The following FAM3B variants were observed in gnomAD, a reference collection of about 807,000 sequenced individuals.
FAM3B encodes FAM3 metabolism regulating signaling molecule B.
A neutral mutation model predicts 28.4 loss-of-function variants in FAM3B; 29 were observed. That is an observed-to-expected ratio of 1.02 (90% CI 0.76 to 1.39). The LOEUF (loss-of-function observed/expected upper bound fraction) is 1.39, where lower values mean the gene tolerates loss of function less well. Ranked by LOEUF, FAM3B falls within the 40% of genes most tolerant of loss-of-function variation. The probability of loss-of-function intolerance (pLI) is 0.00; values close to 1 mark genes in which losing one functional copy is unlikely to be tolerated. For missense variants in FAM3B, 266 were observed against 293.9 expected, an observed-to-expected ratio of 0.91 and a Z score of 0.69; for synonymous variants, 91 against 103.0, an observed-to-expected ratio of 0.88 and a Z score of 0.71.
chr21:41,304,342 G>A (rs1328321875), intron 1 of FAM3B: 1 of 455,598 alleles, frequency 2.2e-6, no homozygotes, highest in Non-Finnish European at 4.4e-6. Flanking sequence ...GTGGGGAGGG[G>A]AAGGATGGAC....
chr21:41,354,713 A>G (rs2089150314), intron 7 of FAM3B, among the ~76,000 whole-genome samples: 1 of 152,226 alleles, frequency 6.6e-6, no homozygotes, highest in Non-Finnish European at 1.5e-5. Flanking sequence ...AAAGAGAATC[A>G]GGAAAAATAA....
chr21:41,357,000 G>T, intron 7 of FAM3B, 108 bp from the exon 8 acceptor site: 1 of 585,198 alleles, frequency 1.7e-6, no homozygotes, highest in Non-Finnish European at 2.8e-6. Context: ...GCTTTGGTTG[G>T]AGCAAATCCA....
chr21:41,309,175 G>A (rs1167123929), intron 1 of FAM3B, among the ~76,000 whole-genome samples: 1 of 152,224 alleles, frequency 6.6e-6, no homozygotes, highest in African/African-American at 2.4e-5. Flanking sequence ...AGCATCATCC[G>A]CCTTCAGGAC....
chr21:41,329,789 C>T (rs562102623), intron 2 of FAM3B, among the ~76,000 whole-genome samples: 4 of 152,196 alleles, frequency 2.6e-5, no homozygotes, highest in African/African-American at 9.6e-5. Context: ...AGGCTGGTCT[C>T]GAACTCCTGA....
Position 41,336,859 on chromosome 21 carries a change from G to A in FAM3B, c.164-1519G>A, listed in dbSNP as rs117802485. 1.9e-3 allele frequency among the ~76,000 whole-genome samples: 282 copies of A among 152,196 alleles called. 2 individuals are homozygous for A. The East Asian group carries it at 0.021, about 11-fold the overall frequency. On this transcript the variant is annotated intron_variant, in intron 2 of 7. Transcript: ENST00000357985. ...TTTGTCTTTTTTAAAAGTTTGACTT[G>A]AAGTCTATTTAAACTGATGTAAATA...
upstream of FAM3B, among the ~76,000 whole-genome samples, chr21:41,314,165 G>C (rs1462378484): frequency 1.3e-5 from 2 of 152,196 alleles, no homozygotes; most frequent in African/African-American, 4.8e-5. Flanking sequence ...AGAAACACCA[G>C]AGCCCTCACT....
At chr21:41,348,954 A>G (rs545570603) in intron 7 of FAM3B, among the ~76,000 whole-genome samples, 2 of 152,364 alleles carry the variant, frequency 1.3e-5, no homozygotes, top group South Asian at 4.1e-4. Flanking sequence ...TGCTGCAGCC[A>G]ACATGGTCTG....
chr21:41,348,608 A>C lies in FAM3B; in HGVS notation c.502A>C (p.Lys168Gln). Reference protein sequence around the residue: ...DGSTRLNNDAKNAIEALGSKE... With the variant: ...DGSTRLNNDAQNAIEALGSKE... The stretch of plus-strand genomic sequence containing the variant: ...GTCCTGCAGACTGAATAACGATGCC[A>C]AGAATGCCATAGAAGCACTTGGAAG... Residue 168 changes from lysine to glutamine, a missense_variant, in exon 7 of 8, where the codon AAG becomes CAG. Transcript: ENST00000357985. 1 of 1,614,250 alleles carries C rather than the reference A, an allele frequency of 6.2e-7. No homozygotes were observed.
intron 1 of FAM3B, among the ~76,000 whole-genome samples, chr21:41,307,434 C>G (rs2088688236): frequency 6.6e-6 from 1 of 152,228 alleles, no homozygotes; most frequent in Admixed American, 6.5e-5. Flanking sequence ...TCTGTTTTCA[C>G]TGGGGTGGCA....
At chr21:41,307,819 A>T (rs992809953) in intron 1 of FAM3B, among the ~76,000 whole-genome samples, 9 of 152,182 alleles carry the variant, frequency 5.9e-5, no homozygotes, top group Admixed American at 5.9e-4. Context: ...AACATCAAAG[A>T]TGTCTGATCA....
At chr21:41,344,661 A>C (rs747340964) in intron 4 of FAM3B, 127 bp downstream of exon 4, 1 of 664,294 alleles carries the variant, frequency 1.5e-6, no homozygotes, top group Non-Finnish European at 2.7e-6. Context: ...GCATTTTAAG[A>C]TTATATACTC....
chr21:41,354,909 G>A (rs1250217603), intron 7 of FAM3B, among the ~76,000 whole-genome samples: 1 of 152,094 alleles, frequency 6.6e-6, no homozygotes, highest in Non-Finnish European at 1.5e-5. Context: ...CACAGAATGG[G>A]AGAAAATATT....
chr21:41,345,558 G>A lies in FAM3B; in HGVS notation c.347-128G>A. 6.8e-6 allele frequency: 4 copies of A among 584,804 alleles called. No individual in the cohort carries two copies. In the South Asian group the frequency reaches 9.1e-5, roughly 13 times the overall value. The allele number at this position is 584,804 out of a possible 1,614,324, so 36.2% of individuals were successfully genotyped here. A position where few individuals can be genotyped will look rare whatever the true frequency, so the allele number is the denominator to read the frequency against. ...GGCCCGCCCTGTCTCTGCAGGCTGG[G>A]TCATTACATCAGTGGTGTTTGCTGG... On this transcript the variant is annotated intron_variant, in intron 4 of 7. Coordinates refer to ENST00000357985, the MANE Select transcript of FAM3B (RefSeq NM_058186.4).
intron 4 of FAM3B, 36 bp downstream of exon 4, chr21:41,344,570 AAG>A (rs1429220239): frequency 6.3e-7 from 1 of 1,578,932 alleles, no homozygotes; most frequent in Non-Finnish European, 8.7e-7. Flanking sequence ...ACTTCTCTAA[AAG>A]CTCTCTGGTC....
At chr21:41,356,700 C>T (rs937004570) in intron 7 of FAM3B, among the ~76,000 whole-genome samples, 3 of 152,104 alleles carry the variant, frequency 2.0e-5, no homozygotes, top group East Asian at 3.9e-4. Flanking sequence ...TTAAGAAACA[C>T]GGTATAAATA....
upstream of FAM3B, among the ~76,000 whole-genome samples, chr21:41,315,810 GAGACTC>G (rs2088744458): frequency 6.6e-6 from 1 of 152,172 alleles, no homozygotes; most frequent in Admixed American, 6.6e-5. Flanking sequence ...ATGGTGGAGG[GAGACTC>G]AGGGCCAAGC....
intron 7 of FAM3B, among the ~76,000 whole-genome samples, chr21:41,351,246 G>A (rs1301984996): frequency 6.6e-6 from 1 of 152,220 alleles, no homozygotes; most frequent in African/African-American, 2.4e-5. Flanking sequence ...TGGAGCAGGA[G>A]AAATCAAGAA....
chr21:41,305,894 A>G (rs937912948), intron 1 of FAM3B, among the ~76,000 whole-genome samples: 22 of 152,340 alleles, frequency 1.4e-4, no homozygotes, highest in African/African-American at 5.3e-4. Context: ...ATCAATTGAC[A>G]AAAGGTTTCT....
At chr21:41,316,750 C>T, upstream of FAM3B, 1 of 887,140 alleles carries the variant, frequency 1.1e-6, no homozygotes, top group African/African-American at 1.8e-5. Flanking sequence ...CGACTGGCCG[C>T]GCACCCAGCT....
Sources: allele counts gnomAD v4.1 joint callset (sites outside exome capture counted in the v4.1 genomes callset), GRCh38; gene constraint gnomAD v4.1.1; transcripts MANE v1.5; gene names NCBI Gene and HGNC (gene_info 2026-07-23, HGNC 2026-07-21).